The following REPS1 variants were observed in gnomAD, a reference collection of about 807,000 sequenced individuals.
REPS1 encodes the protein ralBP1-associated Eps domain-containing protein 1.
REPS1 carries 39 observed loss-of-function variants against 100.9 expected under a neutral mutation model. The ratio of observed to expected loss-of-function variants is 0.39; its 90% CI spans 0.30 to 0.50. The LOEUF is 0.50. Among genes scored for constraint, REPS1 ranks in the 20% least tolerant of loss-of-function variants. REPS1 has a pLI of 0.86. For missense variants in REPS1, 821 were observed against 968.5 expected (o/e 0.85, Z 2.02); for synonymous variants, 324 against 340.3 (o/e 0.95, Z 0.53).
chr6:138,961,457 C>T (rs1783736844), intron 1 of REPS1, among the ~76,000 whole-genome samples: 2 of 151,988 alleles, frequency 1.3e-5, no homozygotes, highest in African/African-American at 2.4e-5. Flanking sequence ...GATCTCTTGA[C>T]CTCGTGATCC....
At chr6:138,924,692 G>A (rs1325748378) in intron 10 of REPS1, among the ~76,000 whole-genome samples, 1 of 152,112 alleles carries the variant, frequency 6.6e-6, no homozygotes, top group African/African-American at 2.4e-5. Context: ...GAATAATATA[G>A]AGAATCAAAA....
At chr6:138,914,789 T>C (rs1444961950) in intron 14 of REPS1, 28 bp from the exon 15 acceptor site, 10 of 1,580,664 alleles carry the variant, frequency 6.3e-6, no homozygotes, top group Non-Finnish European at 8.7e-6. Flanking sequence ...TTCTTCTTTT[T>C]AGTAACTGTA....
intron 8 of REPS1, chr6:138,934,308 C>T (rs1284127192): frequency 6.4e-6 from 3 of 470,860 alleles, no homozygotes; most frequent in Admixed American, 4.7e-5. Flanking sequence ...CTGCCCCTGA[C>T]ATCATCAGAG....
chr6:138,930,180 C>A, intron 8 of REPS1, 82 bp from the exon 9 acceptor site: 1 of 1,173,888 alleles, frequency 8.5e-7, no homozygotes, highest in Non-Finnish European at 1.2e-6. Flanking sequence ...AAAAAAAAGC[C>A]AACCGATGAT....
In REPS1 at chr6:138,944,530, T is replaced by C. The variant is rs761938645; in HGVS notation, c.721A>G (p.Thr241Ala). The change falls in exon 5 of 20, where the codon ACT becomes GCT. Residue 241 changes from threonine to alanine, a missense_variant. Thr to Ala is a moderately conservative substitution (Grantham distance 58). Transcript: ENST00000450536. ...VSFADTPPTS[T>A]LLTMHPASVQ... The stretch of plus-strand genomic sequence containing the variant: ...GAAGCAGGATGCATGGTTAAAAGAG[T>C]ACTGGTTGGTGGAGTATCTGCAAAA... 1.9e-6 allele frequency: 3 copies of C among 1,613,734 alleles called. No homozygotes were observed. The highest frequency in any genetic ancestry group is 2.2e-5 in the East Asian group (1 of 44,866).
chr6:138,905,441 G>A (rs944013742), intron 19 of REPS1, among the ~76,000 whole-genome samples: 16 of 148,266 alleles, frequency 1.1e-4, no homozygotes, highest in Admixed American at 2.1e-4. Flanking sequence ...ACAGGCGCCC[G>A]CCACCGCGCC....
chr6:138,935,746 C>T (rs1781766964), intron 8 of REPS1, among the ~76,000 whole-genome samples: 2 of 149,348 alleles, frequency 1.3e-5, no homozygotes, highest in Non-Finnish European at 3.0e-5. Context: ...CCCAGCTACT[C>T]GGGAGGCTGA....
intron 1 of REPS1, among the ~76,000 whole-genome samples, chr6:138,960,449 T>C (rs1783665763): frequency 6.6e-6 from 1 of 151,906 alleles, no homozygotes; most frequent in African/African-American, 2.4e-5. Context: ...ACAACAATAA[T>C]CCTATCACAT....
intron 1 of REPS1, among the ~76,000 whole-genome samples, chr6:138,953,139 A>G (rs759285928): frequency 4.6e-5 from 7 of 152,096 alleles, no homozygotes; most frequent in Non-Finnish European, 1.0e-4. Flanking sequence ...GCCAAATTAT[A>G]TATTTTATGA....
Position 138,905,139 on chromosome 6 carries a change from A to T in REPS1, c.2323-7T>A. 1 of 1,573,176 alleles carries T rather than the reference A, an allele frequency of 6.4e-7. No homozygotes were observed. The highest frequency in any genetic ancestry group is 8.8e-7 in the Non-Finnish European group (1 of 1,142,800). On this transcript the variant is annotated splice_polypyrimidine_tract_variant and splice_region_variant and intron_variant, in intron 19 of 19. Transcript: ENST00000450536. The stretch of plus-strand genomic sequence containing the variant: ...TTCTCTCCTCAAGAACATCCTGAAA[A>T]AGATGCAAAGGCCAAGTTATGTTTC...
chr6:138,936,180 G>T (rs921401767), intron 8 of REPS1, among the ~76,000 whole-genome samples: 1 of 151,936 alleles, frequency 6.6e-6, no homozygotes, highest in African/African-American at 2.4e-5. Context: ...TTACTAATCC[G>T]CTGAATTTGA....
At chr6:138,943,787 C>CT (rs1398304244) in intron 6 of REPS1, 66 bp downstream of exon 6, 1 of 1,357,476 alleles carries the variant, frequency 7.4e-7, no homozygotes, top group East Asian at 2.3e-5. Context: ...AAAACAATGT[C>CT]TTTGATATTA....
At chr6:138,972,744 T>G (rs1011218289) in intron 1 of REPS1, among the ~76,000 whole-genome samples, 2 of 151,904 alleles carry the variant, frequency 1.3e-5, no homozygotes, top group Non-Finnish European at 2.9e-5. Flanking sequence ...TTAAAGTTAT[T>G]AGCAAGCATG....
At chr6:138,935,043 T>C (rs937583161) in intron 8 of REPS1, among the ~76,000 whole-genome samples, 9 of 152,224 alleles carry the variant, frequency 5.9e-5, no homozygotes, top group Admixed American at 1.3e-4. Context: ...AATGATATTA[T>C]ATGCATCAAA....
Position 138,987,733 on chromosome 6 carries a change from C to T in REPS1, c.-51G>A. ...CGCCCCGCATGCACTACTCGGGGCC[C>T]GGCCCCAGGAACCTGGGCCGGCAGG... is the stretch of plus-strand genomic sequence containing the variant. On this transcript the variant is annotated 5_prime_UTR_variant, in exon 1 of 20. Coordinates refer to ENST00000450536, the MANE Select transcript of REPS1 (RefSeq NM_001286611.2). The T allele has an allele frequency of 2.7e-6, 4 of 1,460,770 alleles. No individual in the cohort carries two copies. Among genetic ancestry groups the T allele is most frequent in the South Asian group, 2.8e-5 (2 of 72,320 alleles). 90.5% of individuals were successfully genotyped at this position (1,460,770 alleles called of 1,614,324 possible).
Position 138,952,907 on chromosome 6 carries a change from G to A in REPS1, c.154-4994C>T, listed in dbSNP as rs370660900. 9.4e-5 allele frequency among the ~76,000 whole-genome samples: 14 copies of A among 148,240 alleles called. 1 individual carries two copies. In the South Asian group the frequency reaches 2.2e-3, roughly 23 times the overall value. ...GGCTGGAGTGCAATGGCACAATCTC[G>A]GCTCACCACAACCTCCACCTCCTGC... On this transcript the variant is annotated intron_variant, in intron 1 of 19. Transcript: ENST00000450536.
intron 1 of REPS1, among the ~76,000 whole-genome samples, chr6:138,980,524 G>A (rs1784881617): frequency 6.6e-6 from 1 of 151,004 alleles, no homozygotes; most frequent in African/African-American, 2.4e-5. Context: ...CTCTCTATAT[G>A]AAACACCTTA....
At chr6:138,919,429 A>G (rs1038104292) in intron 12 of REPS1, among the ~76,000 whole-genome samples, 12 of 152,334 alleles carry the variant, frequency 7.9e-5, no homozygotes, top group African/African-American at 2.2e-4. Flanking sequence ...GCAGGCTCAA[A>G]TCATGTCACT....
intron 7 of REPS1, among the ~76,000 whole-genome samples, chr6:138,942,787 T>C (rs1782347830): frequency 6.6e-6 from 1 of 151,962 alleles, no homozygotes; most frequent in Non-Finnish European, 1.5e-5. Context: ...CAGAATCTCG[T>C]TCTGTCACCC....
Sources: gnomAD v4.1 joint callset for allele counts (sites outside exome capture counted in the v4.1 genomes callset) on GRCh38, gnomAD v4.1.1 for gene constraint, MANE v1.5 for transcripts, NCBI Gene and HGNC (gene_info 2026-07-23, HGNC 2026-07-21) for gene names.